The following CDH12 variants were observed in gnomAD, a reference collection of about 807,000 sequenced individuals.
CDH12 encodes the protein cadherin 12, also known as cadherin-12.
A neutral mutation model predicts 74.1 loss-of-function variants in CDH12; 41 were observed. The observed-to-expected ratio is 0.55, with a 90% CI of 0.43 to 0.72. CDH12 has a LOEUF of 0.72. Among genes scored for constraint, CDH12 ranks in the 30% least tolerant of loss-of-function variants. CDH12 has a pLI of 0.00. For synonymous variants in CDH12, 399 were observed against 355.0 expected (o/e 1.12, Z -1.39); for missense variants, 945 against 977.2 (o/e 0.97, Z 0.44).
chr5:22,578,390 G>C lies in CDH12; in HGVS notation c.-522-73026C>G, dbSNP rs199913182. Among the ~76,000 whole-genome samples the C allele has an allele frequency of 5.6e-4, 82 of 147,396 alleles. 4 individuals are homozygous for C. The East Asian group carries it at 0.016, about 28-fold the overall frequency. On this transcript the variant is annotated intron_variant, in intron 1 of 14. Coordinates refer to ENST00000382254, the MANE Select transcript of CDH12 (RefSeq NM_004061.5). ...TTTAAACCAAGTTTGTGTGTGTGGG[G>C]GGGGGGTGTTTTTAGCATATTAGGA...
chr5:22,548,659 T>C (rs1201130742), intron 1 of CDH12, among the ~76,000 whole-genome samples: 1 of 152,050 alleles, frequency 6.6e-6, no homozygotes, highest in Non-Finnish European at 1.5e-5. Flanking sequence ...CTCTTGTGTG[T>C]ATCTCTATAA....
chr5:22,248,981 TTTC>T (rs1753048707), intron 3 of CDH12, among the ~76,000 whole-genome samples: 1 of 152,184 alleles, frequency 6.6e-6, no homozygotes, highest in South Asian at 2.1e-4. Context: ...TTATTTTTTC[TTTC>T]TTCTACCTTT....
chr5:21,870,331 G>C (rs765634081), intron 6 of CDH12, among the ~76,000 whole-genome samples: 1 of 152,184 alleles, frequency 6.6e-6, no homozygotes, highest in Non-Finnish European at 1.5e-5. Context: ...ATGTGAGTCA[G>C]TGGACTGAGT....
chr5:21,974,540 A>G (rs1756980973), intron 6 of CDH12, among the ~76,000 whole-genome samples: 1 of 152,104 alleles, frequency 6.6e-6, no homozygotes, highest in South Asian at 2.1e-4. Flanking sequence ...TAATGTTTTC[A>G]TGACATTATT....
chr5:22,041,818 G>C (rs984259230), intron 5 of CDH12, among the ~76,000 whole-genome samples: 1 of 152,006 alleles, frequency 6.6e-6, no homozygotes, highest in Non-Finnish European at 1.5e-5. Context: ...GGCCTAACAG[G>C]TATATAAAAA....
At chr5:22,229,377 G>C (rs1176945128) in intron 3 of CDH12, among the ~76,000 whole-genome samples, 3 of 137,318 alleles carry the variant, frequency 2.2e-5, no homozygotes, top group Non-Finnish European at 3.1e-5. Context: ...AAAATGACTA[G>C]ACATTAAGAA....
intron 1 of CDH12, among the ~76,000 whole-genome samples, chr5:22,514,862 A>G (rs1368478602): frequency 6.6e-6 from 1 of 152,206 alleles, no homozygotes; most frequent in Non-Finnish European, 1.5e-5. Context: ...AAGAAATAAC[A>G]AAGACATTAA....
At chr5:21,791,750 G>A (rs1746511919) in intron 10 of CDH12, among the ~76,000 whole-genome samples, 1 of 151,638 alleles carries the variant, frequency 6.6e-6, no homozygotes, top group Non-Finnish European at 1.5e-5. Flanking sequence ...GTCTGCGCAG[G>A]CCATTTGAGA....
chr5:21,754,529 C>T (rs1056385226), intron 14 of CDH12, among the ~76,000 whole-genome samples: 1 of 151,990 alleles, frequency 6.6e-6, no homozygotes, highest in Non-Finnish European at 1.5e-5. Flanking sequence ...AAGTTTCTCA[C>T]GTGGAATTAA....
chr5:22,345,566 T>C (rs878868127), intron 3 of CDH12, among the ~76,000 whole-genome samples: 1 of 152,216 alleles, frequency 6.6e-6, no homozygotes, highest in Admixed American at 6.5e-5. Context: ...ATTAACCTAT[T>C]AGTTTGGTGC....
At position 22,461,558 on chromosome 5, in the gene CDH12, T is replaced by C. The variant is rs1294218604; in HGVS notation, c.-428+43712A>G. ...CTAAAAAAATATTTTCCAAGACATA[T>C]TAGTGAACACAGTAAGGTACAGAAT... On this transcript the variant is annotated intron_variant, in intron 2 of 14. Transcript: ENST00000382254. Among the ~76,000 whole-genome samples, 3 of 151,668 alleles carry C rather than the reference T, an allele frequency of 2.0e-5. No individual in the cohort carries two copies. The East Asian group carries it at 5.8e-4, about 29-fold the overall frequency.
intron 9 of CDH12, among the ~76,000 whole-genome samples, chr5:21,803,380 G>A (rs188130916): frequency 4.6e-5 from 7 of 151,954 alleles, no homozygotes; most frequent in Non-Finnish European, 7.4e-5. Context: ...AATTATGGGC[G>A]CGGTAACACA....
At chr5:22,664,467 G>T (rs1189474596) in intron 1 of CDH12, among the ~76,000 whole-genome samples, 1 of 152,112 alleles carries the variant, frequency 6.6e-6, no homozygotes, top group African/African-American at 2.4e-5. Flanking sequence ...TCACTGTCAC[G>T]AGAAGAGCAT....
intron 3 of CDH12, among the ~76,000 whole-genome samples, chr5:22,264,526 G>A (rs1753638216): frequency 6.6e-6 from 1 of 152,118 alleles, no homozygotes. Context: ...ACAAGTTGAA[G>A]TCAGAAATTT....
chr5:22,342,391 T>C (rs1739891831), intron 3 of CDH12, among the ~76,000 whole-genome samples: 1 of 152,214 alleles, frequency 6.6e-6, no homozygotes, highest in Non-Finnish European at 1.5e-5. Context: ...ATACATTATT[T>C]CTGTCCAAAT....
intron 3 of CDH12, among the ~76,000 whole-genome samples, chr5:22,375,429 C>T (rs1044403557): frequency 2.0e-5 from 3 of 152,090 alleles, no homozygotes; most frequent in South Asian, 2.1e-4. Flanking sequence ...AGACAACTAA[C>T]TGTAACACAA....
At chr5:22,686,292 G>A (rs898594425) in intron 1 of CDH12, among the ~76,000 whole-genome samples, 19 of 151,924 alleles carry the variant, frequency 1.3e-4, no homozygotes, top group Non-Finnish European at 2.2e-4. Context: ...CCTTTATCAT[G>A]TATTTGATTT....
At chr5:22,497,638 CTTTTTTTTT>C (rs747466944) in intron 2 of CDH12, among the ~76,000 whole-genome samples, 2 of 83,232 alleles carry the variant, frequency 2.4e-5, no homozygotes, top group African/African-American at 9.3e-5. Flanking sequence ...TGTCGAATCT[CTTTTTTTTT>C]TTTTTTTTTT....
At chr5:22,193,594 T>C (rs1750428388) in intron 4 of CDH12, among the ~76,000 whole-genome samples, 1 of 152,154 alleles carries the variant, frequency 6.6e-6, no homozygotes, top group Admixed American at 6.5e-5. Flanking sequence ...TATCAGAAAT[T>C]ATAGTTCATT....
Sources: gnomAD v4.1 joint callset for allele counts (sites outside exome capture counted in the v4.1 genomes callset) on GRCh38, gnomAD v4.1.1 for gene constraint, MANE v1.5 for transcripts, NCBI Gene and HGNC (gene_info 2026-07-23, HGNC 2026-07-21) for gene names.